Variants in IRX1 observed in about 807,000 individuals in gnomAD.
The protein encoded by IRX1 is iroquois-class homeodomain protein IRX-1.
IRX1 carries 22 observed loss-of-function variants against 34.1 expected under a neutral mutation model. The ratio of observed to expected loss-of-function variants is 0.64; its 90% CI spans 0.46 to 0.92. The LOEUF (loss-of-function observed/expected upper bound fraction) is 0.92, where lower values mean the gene tolerates loss of function less well. IRX1 is among the 40% of genes least tolerant of loss of function. The pLI, the probability that IRX1 is intolerant of heterozygous loss-of-function variation, is 0.00. For synonymous variants in IRX1, 363 were observed against 319.0 expected, an observed-to-expected ratio of 1.14 and a Z score of -1.47; for missense variants, 758 against 680.0, an observed-to-expected ratio of 1.11 and a Z score of -1.28.
At chr5:3,600,950 C>G in intron 3 of IRX1, 33 bp from the exon 4 acceptor site, 2 of 1,610,764 alleles carry the variant, frequency 1.2e-6, no homozygotes, top group Admixed American at 3.3e-5. Flanking sequence ...CACAGTGCCC[C>G]TGTCTTCTTG....
At position 3,599,644 on chromosome 5, in the gene IRX1, G is replaced by C; in HGVS notation, c.696G>C (p.Lys232Asn). 6.2e-7 allele frequency: 1 copy of C among 1,613,900 alleles called. No homozygotes were observed. The highest frequency in any genetic ancestry group is 8.5e-7 in the Non-Finnish European group (1 of 1,180,020). ...ACCTGGAAAGCATCGACATTGACAA[G>C]ATCGACGAGCACGATGGCGACCAGA... ...EIDLESIDID[K>N]IDEHDGDQSN... Residue 232 changes from lysine to asparagine, a missense_variant, in exon 2 of 4, where the codon AAG becomes AAC. By Grantham distance (94) the Lys-to-Asn change is moderately conservative (BLOSUM62 0). Coordinates refer to ENST00000302006, the MANE Select transcript of IRX1 (RefSeq NM_024337.4). This position sits in a 1 kb window ranked among gnomAD's most constrained non-coding sequence, Gnocchi z 6.6.
intron 1 of IRX1, among the ~76,000 whole-genome samples, chr5:3,598,458 C>G (rs1397498424): frequency 6.6e-6 from 1 of 152,104 alleles, no homozygotes; most frequent in Non-Finnish European, 1.5e-5. Flanking sequence ...CCCTCCTGGC[C>G]GCCGGTGGCT....
chr5:3,599,236 T>C lies in IRX1; in HGVS notation c.288T>C (p.Tyr96=). The C allele has an allele frequency of 6.2e-7, 1 of 1,612,872 alleles. No individual in the cohort carries two copies. The highest frequency in any genetic ancestry group is 8.5e-7 in the Non-Finnish European group (1 of 1,179,334). ...LSLFSQMGSQ[Y]ELKDNPGVHP... The stretch of plus-strand genomic sequence containing the variant: ...CCCTGTGGCTTCAGGGCTCGCAGTA[T>C]GAACTGAAGGACAACCCTGGGGTGC... Residue 96 remains tyrosine, a synonymous_variant, in exon 2 of 4, where the codon TAT becomes TAC. Coordinates refer to ENST00000302006, the MANE Select transcript of IRX1 (RefSeq NM_024337.4). This position sits in a 1 kb window ranked among gnomAD's most constrained non-coding sequence, Gnocchi z 6.6.
chr5:3,596,234 G>C lies in IRX1; in HGVS notation c.129G>C (p.Pro43=), dbSNP rs774114176. The change falls in exon 1 of 4, where the codon CCG becomes CCC. Residue 43 remains proline, a synonymous_variant. Transcript: ENST00000302006. ...AAAAAASSGR[P]GAAELGGGAG... is the part of the protein sequence containing the mutation. ...CTGCCGCCGCCTCGTCGGGCCGACC[G>C]GGGGCCGCGGAGCTGGGCGGCGGGG... is the stretch of plus-strand genomic sequence containing the variant. 3.7e-5 allele frequency: 42 copies of C among 1,146,108 alleles called. No individual in the cohort carries two copies. The highest frequency in any genetic ancestry group is 2.4e-4 in the Admixed American group (5 of 20,536). 71.0% of individuals were successfully genotyped at this position (1,146,108 alleles called of 1,614,324 possible).
chr5:3,596,329 A>G lies in IRX1; in HGVS notation c.224A>G (p.Asn75Ser), dbSNP rs746562845. The change falls in exon 1 of 4, where the codon AAC (asparagine) becomes AGC (serine). Residue 75 changes from asparagine (N) to serine (S), a missense_variant. Transcript: ENST00000302006. ...AAAGPYAGAP[N>S]YSAFLPYAAD... ...GCGGGGCCGTACGCGGGCGCGCCCA[A>G]CTACAGCGCCTTCCTGCCCTACGCC... 4.6e-6 allele frequency: 7 copies of G among 1,518,816 alleles called. No homozygotes were observed. Among genetic ancestry groups the G allele is most frequent in the Non-Finnish European group, 6.2e-6 (7 of 1,137,602 alleles). The allele number at this position is 1,518,816 out of a possible 1,614,324, so 94.1% of individuals were successfully genotyped here. A position where few individuals can be genotyped will look rare whatever the true frequency, so the allele number is the denominator to read the frequency against.
Position 3,599,290 on chromosome 5 carries a change from G to T in IRX1, c.342G>T (p.Ala114=), listed in dbSNP as rs200766970. ...VHPATFAAHT[A]PAYYPYGQFQ... is the part of the protein sequence containing the mutation. The stretch of plus-strand genomic sequence containing the variant: ...CCGCCACCTTCGCAGCCCACACGGC[G>T]CCGGCTTATTACCCCTACGGCCAGT... The change falls in exon 2 of 4, where the codon GCG becomes GCT. Residue 114 remains alanine (A), a synonymous_variant. Transcript: ENST00000302006. This position sits in a 1 kb window ranked among gnomAD's most constrained non-coding sequence, Gnocchi z 6.6. 6 of 1,613,984 alleles carry T rather than the reference G, an allele frequency of 3.7e-6. No homozygotes were observed. Among genetic ancestry groups the T allele is most frequent in the Non-Finnish European group, 5.1e-6 (6 of 1,180,016 alleles).
At position 3,600,041 on chromosome 5, in the gene IRX1, A is replaced by G. The variant is rs201398092; in HGVS notation, c.1093A>G (p.Thr365Ala). Residue 365 changes from threonine to alanine, a missense_variant, in exon 2 of 4, where the codon ACC becomes GCC. This residue lies in a region of IRX1 where 529 missense variants were observed against 418.8 expected (regional missense o/e 1.26). Transcript: ENST00000302006. ...PAFLPSHGLYTCHIGKFSNWT... is the reference protein window; with the variant it reads ...PAFLPSHGLYACHIGKFSNWT... ...CTTCCTGCCTAGCCACGGACTGTAC[A>G]CCTGCCACATCGGCAAGTTCTCCAA... The G allele has an allele frequency of 6.3e-7, 1 of 1,596,148 alleles. No homozygotes were observed. The highest frequency in any genetic ancestry group is 8.5e-7 in the Non-Finnish European group (1 of 1,170,730).
In IRX1 at chr5:3,599,488, C is replaced by A; in HGVS notation, c.540C>A (p.Asn180Lys). The change falls in exon 2 of 4, where the codon AAC (asparagine) becomes AAA (lysine). Residue 180 changes from asparagine to lysine, a missense_variant. Coordinates refer to ENST00000302006, the MANE Select transcript of IRX1 (RefSeq NM_024337.4). This position sits in a 1 kb window ranked among gnomAD's most constrained non-coding sequence, Gnocchi z 6.6. ...TLTQVSTWFA[N>K]ARRRLKKENK... ...CGCAGGTCTCCACCTGGTTCGCCAA[C>A]GCGCGCCGGCGCCTCAAGAAGGAGA... 2 of 1,614,144 alleles carry A rather than the reference C, an allele frequency of 1.2e-6. No homozygotes were observed. Among genetic ancestry groups the A allele is most frequent in the East Asian group, 2.2e-5 (1 of 44,842 alleles).
chr5:3,599,971 C>A lies in IRX1; in HGVS notation c.1023C>A (p.Pro341=). Residue 341 remains proline (P), a synonymous_variant, in exon 2 of 4, where the codon CCC becomes CCA. Transcript: ENST00000302006. This position sits in a 1 kb window ranked among gnomAD's most constrained non-coding sequence, Gnocchi z 6.6. ...KASPPPPAGH[P]GAHGPSAGAP... ...CGCCACCACCACCCGCGGGCCACCC[C>A]GGCGCGCACGGGCCCTCCGCCGGGG... 6.6e-7 allele frequency: 1 copy of A among 1,508,900 alleles called. No homozygotes were observed. Among genetic ancestry groups the A allele is most frequent in the Non-Finnish European group, 8.9e-7 (1 of 1,124,392 alleles). 93.5% of individuals were successfully genotyped at this position (1,508,900 alleles called of 1,614,324 possible). A position where few individuals can be genotyped will look rare whatever the true frequency, so the allele number is the denominator to read the frequency against.
In IRX1 at chr5:3,596,073, T is replaced by C; in HGVS notation, c.-33T>C. 1 of 1,040,974 alleles carries C rather than the reference T, an allele frequency of 9.6e-7. No homozygotes were observed. Among genetic ancestry groups the C allele is most frequent in the Non-Finnish European group, 1.2e-6 (1 of 866,476 alleles). 64.5% of individuals were successfully genotyped at this position (1,040,974 alleles called of 1,614,324 possible). On this transcript the variant is annotated 5_prime_UTR_variant, in exon 1 of 4. Coordinates refer to ENST00000302006, the MANE Select transcript of IRX1 (RefSeq NM_024337.4). Reference sequence around the variant, plus strand: ...GCCTCCCTCCCCGCGCCTTTAATACTCGCCCGCTGCGGCGGTCGCCGAGTC... The same window carrying C: ...GCCTCCCTCCCCGCGCCTTTAATACCCGCCCGCTGCGGCGGTCGCCGAGTC...
Position 3,600,890 on chromosome 5 carries a change from C to G in IRX1, c.1386-93C>G, listed in dbSNP as rs367962313. On this transcript the variant is annotated intron_variant, in intron 3 of 3. Coordinates refer to ENST00000302006, the MANE Select transcript of IRX1 (RefSeq NM_024337.4). Reference sequence around the variant, plus strand: ...GCCGCGCTGGCTGTCGACCCCGCCCCCAGGGCTCCGCTACTGGAACCGGCG... The same window carrying G: ...GCCGCGCTGGCTGTCGACCCCGCCCGCAGGGCTCCGCTACTGGAACCGGCG... 4 of 1,385,946 alleles carry G rather than the reference C, an allele frequency of 2.9e-6. No homozygotes were observed. In the East Asian group the frequency reaches 9.2e-5, roughly 32 times the overall value. 85.9% of individuals were successfully genotyped at this position (1,385,946 alleles called of 1,614,324 possible).
In IRX1 at chr5:3,596,031, C is replaced by G. The variant is rs2111294303; in HGVS notation, c.-75C>G. On this transcript the variant is annotated 5_prime_UTR_variant, in exon 1 of 4. Coordinates refer to ENST00000302006, the MANE Select transcript of IRX1 (RefSeq NM_024337.4). ...ACCCCTCGCGGCGCCCCCTGCAACC[C>G]CCTCCGGCCGGCCTCCGCCTCCCTC... 3.1e-6 allele frequency: 3 copies of G among 961,992 alleles called. No homozygotes were observed. The highest frequency in any genetic ancestry group is 3.7e-6 in the Non-Finnish European group (3 of 803,012). The allele number at this position is 961,992 out of a possible 1,614,324, so 59.6% of individuals were successfully genotyped here.
chr5:3,600,145 C>T lies in IRX1; in HGVS notation c.1197C>T (p.Ala399=), dbSNP rs753452175. 5 of 1,613,158 alleles carry T rather than the reference C, an allele frequency of 3.1e-6. No homozygotes were observed. The Admixed American group carries it at 6.7e-5, about 22-fold the overall frequency. The change falls in exon 2 of 4, where the codon GCC becomes GCT. Residue 399 remains alanine (A), a synonymous_variant. Coordinates refer to ENST00000302006, the MANE Select transcript of IRX1 (RefSeq NM_024337.4). ...RSFLGVGAPH[A]APHGPHLPAP... ...TCCTGGGCGTTGGCGCTCCCCACGC[C>T]GCGCCCCATGGCCCTCACCTTCCTG...
In IRX1 at chr5:3,600,093, A is replaced by G. The variant is rs768710193; in HGVS notation, c.1145A>G (p.Gln382Arg). Residue 382 changes from glutamine to arginine, a missense_variant, in exon 2 of 4, where the codon CAG (glutamine) becomes CGG (arginine). By Grantham distance (43) the Gln-to-Arg change is conservative (BLOSUM62 1). This residue lies in a region of IRX1 where 529 missense variants were observed against 418.8 expected (regional missense o/e 1.26). Coordinates refer to ENST00000302006, the MANE Select transcript of IRX1 (RefSeq NM_024337.4). ...TGGACCAACAGCGCATTCCTCGCAC[A>G]GGGCTCCCTGCTCAACATGCGCTCC... ...SNWTNSAFLA[Q>R]GSLLNMRSFL... The G allele has an allele frequency of 6.2e-7, 1 of 1,613,164 alleles. No homozygotes were observed. The highest frequency in any genetic ancestry group is 8.5e-7 in the Non-Finnish European group (1 of 1,179,798).
At chr5:3,597,058 G>A (rs946855325) in intron 1 of IRX1, among the ~76,000 whole-genome samples, 1 of 152,168 alleles carries the variant, frequency 6.6e-6, no homozygotes, top group African/African-American at 2.4e-5. Flanking sequence ...TTTTACTTTT[G>A]TAAGTTGCCC....
Position 3,600,269 on chromosome 5 carries a change from C to T in IRX1, c.1312+9C>T. ...CAGCCCCACGCTCCCAGGTACAGCT[C>T]CAGGCCGCGTCCACCTGTCCCCTAG... On this transcript the variant is annotated intron_variant, in intron 2 of 3. Coordinates refer to ENST00000302006, the MANE Select transcript of IRX1 (RefSeq NM_024337.4). 6.4e-7 allele frequency: 1 copy of T among 1,562,280 alleles called. No homozygotes were observed. The highest frequency in any genetic ancestry group is 8.6e-7 in the Non-Finnish European group (1 of 1,157,780).
At chr5:3,597,385 G>T (rs941763095) in intron 1 of IRX1, among the ~76,000 whole-genome samples, 2 of 152,176 alleles carry the variant, frequency 1.3e-5, no homozygotes, top group Non-Finnish European at 2.9e-5. Context: ...CTGCCCGCGG[G>T]ATAAAGCAAT....
Position 3,599,569 on chromosome 5 carries a change from C to A in IRX1, c.621C>A (p.Gly207=). ...ACCAGGAAGATGGAGCGCTCTTCGG[C>A]AGCGACACCGAGGGCGACCCGGAGA... ...SKDQEDGALF[G]SDTEGDPEKA... Residue 207 remains glycine, a synonymous_variant, in exon 2 of 4, where the codon GGC becomes GGA. Coordinates refer to ENST00000302006, the MANE Select transcript of IRX1 (RefSeq NM_024337.4). This position sits in a 1 kb window ranked among gnomAD's most constrained non-coding sequence, Gnocchi z 6.6. The A allele has an allele frequency of 6.2e-7, 1 of 1,614,088 alleles. No individual in the cohort carries two copies. Among genetic ancestry groups the A allele is most frequent in the Non-Finnish European group, 8.5e-7 (1 of 1,180,016 alleles).
In IRX1 at chr5:3,600,249, C is replaced by G. The variant is rs775346752; in HGVS notation, c.1301C>G (p.Pro434Arg). The change falls in exon 2 of 4, where the codon CCC (proline) becomes CGC (arginine). Residue 434 changes from proline to arginine, a missense_variant. This residue lies in a region of IRX1 where 529 missense variants were observed against 418.8 expected (regional missense o/e 1.26). Transcript: ENST00000302006. ...GACAAGGCCTCGGTCCGCAGCAGCC[C>G]CACGCTCCCAGGTACAGCTCCAGGC... is the stretch of plus-strand genomic sequence containing the variant. ...NGDKASVRSS[P>R]TLPERDLVPR... The G allele has an allele frequency of 4.4e-6, 7 of 1,593,172 alleles. 1 individual carries two copies. The highest frequency in any genetic ancestry group is 6.0e-6 in the Non-Finnish European group (7 of 1,172,942).
Sources: gnomAD v4.1 joint callset for allele counts (sites outside exome capture counted in the v4.1 genomes callset) on GRCh38, gnomAD v4.1.1 for gene constraint, gnomAD v4.1.1 regional missense constraint, Gnocchi (gnomAD v3.1) non-coding constraint, MANE v1.5 for transcripts, NCBI Gene and HGNC (gene_info 2026-07-23, HGNC 2026-07-21) for gene names.